NOS2: variants seen among roughly 807,000 people sequenced by gnomAD.
NOS2 encodes nitric oxide synthase 2.
Under a neutral mutation model 136.0 loss-of-function variants are expected in NOS2, and 96 were observed. The ratio of observed to expected loss-of-function variants is 0.71; its 90% confidence interval spans 0.60 to 0.84. The LOEUF (loss-of-function observed/expected upper bound fraction) is 0.84. Among genes scored for constraint, NOS2 ranks in the 40% least tolerant of loss-of-function variants. The pLI is 0.00. For missense variants in NOS2, 1,237 were observed against 1,496.9 expected (o/e 0.83, Z 2.87); for synonymous variants, 539 against 587.5 (o/e 0.92, Z 1.20).
At chr17:27,768,171 CCG>C (rs10569534) in intron 17 of NOS2, among the ~76,000 whole-genome samples, 90,807 of 151,840 alleles carry the variant, frequency 0.6, 27,378 homozygotes, top group South Asian at 0.78. Flanking sequence ...CGCCTCAGTC[CCG>C]TACCTGTAGC....
chr17:27,759,224 C>T (rs576841245), intron 25 of NOS2, 149 bp from the exon 26 acceptor site: 1 of 561,082 alleles, frequency 1.8e-6, no homozygotes, highest in South Asian at 2.6e-5. Context: ...AGGGGCCAGG[C>T]TCAGGATGAG....
At chr17:27,788,725 G>C (rs1188622232) in intron 4 of NOS2, 84 bp downstream of exon 4, 6 of 1,526,460 alleles carry the variant, frequency 3.9e-6, no homozygotes. Context: ...GGTTTGCCCA[G>C]GGGGACACCT....
At chr17:27,778,097 G>C (rs148480734) in intron 11 of NOS2, among the ~76,000 whole-genome samples, 13 of 152,160 alleles carry the variant, frequency 8.5e-5, no homozygotes, top group African/African-American at 3.1e-4. Context: ...GGAACTGTAT[G>C]AGGAAGTATT....
At chr17:27,770,527 C>CA (rs1462626440) in intron 15 of NOS2, among the ~76,000 whole-genome samples, 1 of 152,110 alleles carries the variant, frequency 6.6e-6, no homozygotes, top group Non-Finnish European at 1.5e-5. Flanking sequence ...CACCAAAAAC[C>CA]AAAAAACAAA....
At chr17:27,770,170 C>T (rs1908445417) in intron 15 of NOS2, among the ~76,000 whole-genome samples, 2 of 152,124 alleles carry the variant, frequency 1.3e-5, no homozygotes, top group African/African-American at 4.8e-5. Flanking sequence ...TCTCTCATTG[C>T]CTATTAGTCT....
intron 16 of NOS2, 93 bp from the exon 17 acceptor site, chr17:27,769,244 ACT>A (rs1908410974): frequency 1.6e-6 from 2 of 1,233,884 alleles, no homozygotes; most frequent in Non-Finnish European, 2.2e-6. Flanking sequence ...CCAGCCCCAG[ACT>A]CTCCCCCTCC....
chr17:27,788,804 C>G lies in NOS2; in HGVS notation c.318+5G>C. On this transcript the variant is annotated splice_donor_5th_base_variant and intron_variant, in intron 4 of 26. Coordinates refer to ENST00000313735, the MANE Select transcript of NOS2 (RefSeq NM_000625.4). Reference sequence around the variant, plus strand: ...AGGTGGTTCTCCCTGAAGCCCCAGACTTACCCCTTTGGCCTTATGGTGAAG... The same window carrying G: ...AGGTGGTTCTCCCTGAAGCCCCAGAGTTACCCCTTTGGCCTTATGGTGAAG... The G allele has an allele frequency of 6.2e-7, 1 of 1,613,152 alleles. No homozygotes were observed. The highest frequency in any genetic ancestry group is 8.5e-7 in the Non-Finnish European group (1 of 1,179,428).
At chr17:27,787,850 G>C (rs778051014) in intron 4 of NOS2, 24 bp from the exon 5 acceptor site, 2 of 1,598,930 alleles carry the variant, frequency 1.3e-6, no homozygotes, top group South Asian at 1.1e-5. Flanking sequence ...GGCAGGTGGT[G>C]AGGGTGGGCC....
chr17:27,757,473 T>TA (rs1278267540), intron 26 of NOS2, 120 bp from the exon 27 acceptor site: 1 of 787,018 alleles, frequency 1.3e-6, no homozygotes, highest in African/African-American at 1.7e-5. Context: ...CTGTTATACT[T>TA]AGATTGTGCT....
intron 26 of NOS2, among the ~76,000 whole-genome samples, chr17:27,758,240 C>T (rs1468037721): frequency 6.6e-6 from 1 of 152,174 alleles, no homozygotes; most frequent in Non-Finnish European, 1.5e-5. Flanking sequence ...CAATCACAGG[C>T]TTTGGAACCA....
intron 22 of NOS2, among the ~76,000 whole-genome samples, chr17:27,761,996 A>C (rs1247329832): frequency 2.6e-5 from 4 of 152,112 alleles, no homozygotes; most frequent in African/African-American, 4.8e-5. Context: ...CTTCTTGAGG[A>C]CAGAGGGCTC....
At chr17:27,787,610 T>C in intron 5 of NOS2, 68 bp downstream of exon 5, 1 of 1,186,550 alleles carries the variant, frequency 8.4e-7, no homozygotes, top group Non-Finnish European at 1.2e-6. Flanking sequence ...GATCAGAGGG[T>C]GATGGGTAGA....
chr17:27,789,520 C>T, intron 3 of NOS2, 84 bp downstream of exon 3: 1 of 1,097,398 alleles, frequency 9.1e-7, no homozygotes, highest in Non-Finnish European at 1.4e-6. Flanking sequence ...CTGCCCTCTC[C>T]AGCCCAGCTC....
chr17:27,793,535 G>A, intron 2 of NOS2: 1 of 396,472 alleles, frequency 2.5e-6, no homozygotes. Context: ...GGCCCCGCCC[G>A]GGCTCGGAGC....
intron 2 of NOS2, chr17:27,793,708 A>G (rs1049869267): frequency 5.8e-5 from 23 of 394,204 alleles, no homozygotes; most frequent in Non-Finnish European, 9.4e-5. Context: ...CCGGCTCCTT[A>G]GGCGCAGCTC....
At chr17:27,761,975 CTG>C (rs572820372) in intron 22 of NOS2, among the ~76,000 whole-genome samples, 13 of 152,198 alleles carry the variant, frequency 8.5e-5, no homozygotes, top group Admixed American at 8.5e-4. Flanking sequence ...GTTTTAGAAA[CTG>C]TGTTTTTGCT....
At chr17:27,791,824 A>G (rs969082842) in intron 2 of NOS2, among the ~76,000 whole-genome samples, 6 of 151,732 alleles carry the variant, frequency 4.0e-5, no homozygotes, top group Non-Finnish European at 8.8e-5. Context: ...TATATATGGC[A>G]ATCTGGATAT....
intron 19 of NOS2, 49 bp downstream of exon 19, chr17:27,766,461 A>C (rs201713276): frequency 1.0e-4 from 151 of 1,455,924 alleles, no homozygotes; most frequent in Non-Finnish European, 1.4e-4. Context: ...TCATTCGTTA[A>C]AATAAAATCG....
At chr17:27,798,414 C>T (rs1909423712) in intron 2 of NOS2, among the ~76,000 whole-genome samples, 1 of 151,826 alleles carries the variant, frequency 6.6e-6, no homozygotes, top group South Asian at 2.1e-4. Context: ...CTACTGCCTC[C>T]CATTCTCAGG....
Sources: gnomAD v4.1 joint callset for allele counts (sites outside exome capture counted in the v4.1 genomes callset) on GRCh38, gnomAD v4.1.1 for gene constraint, MANE v1.5 for transcripts, NCBI Gene and HGNC (gene_info 2026-07-23, HGNC 2026-07-21) for gene names.